Variants in HIVEP3 observed in about 807,000 individuals in gnomAD.
The protein encoded by HIVEP3 is transcription factor HIVEP3.
A neutral mutation model predicts 152.8 loss-of-function variants in HIVEP3; 49 were observed. The ratio of observed to expected loss-of-function variants is 0.32; its 90% CI spans 0.26 to 0.41. HIVEP3 has a LOEUF of 0.41. Among genes scored for constraint, HIVEP3 ranks in the 10% least tolerant of loss-of-function variants. HIVEP3 has a pLI of 1.00. For missense variants in HIVEP3, 2,790 were observed against 3,103.3 expected, an observed-to-expected ratio of 0.90 and a Z score of 2.40; for synonymous variants, 1,269 against 1,289.0, an observed-to-expected ratio of 0.98 and a Z score of 0.33.
At chr1:41,692,303 T>A (rs779674795) in intron 2 of HIVEP3, among the ~76,000 whole-genome samples, 4 of 152,348 alleles carry the variant, frequency 2.6e-5, no homozygotes, top group Admixed American at 1.3e-4. Context: ...TTGGTGATTT[T>A]ACTTTTTCAA....
At chr1:41,615,977 T>C (rs1201912414) in intron 3 of HIVEP3, among the ~76,000 whole-genome samples, 1 of 152,094 alleles carries the variant, frequency 6.6e-6, no homozygotes, top group Non-Finnish European at 1.5e-5. Context: ...GTGTGTTTTC[T>C]CTCTGCTAAG....
intron 1 of HIVEP3, chr1:41,865,521 G>A (rs1231466313): frequency 6.6e-6 from 1 of 152,284 alleles, no homozygotes; most frequent in African/African-American, 2.4e-5. Context: ...CTTGGGTCCT[G>A]GCATTATCGC....
intron 1 of HIVEP3, among the ~76,000 whole-genome samples, chr1:41,996,289 A>G (rs916436338): frequency 3.9e-5 from 6 of 151,908 alleles, no homozygotes; most frequent in Admixed American, 1.3e-4. Flanking sequence ...TGGAAAGGCT[A>G]TAAGGTTAGA....
chr1:41,510,437 C>A lies in HIVEP3; in HGVS notation c.*14G>T. On this transcript the variant is annotated 3_prime_UTR_variant, in exon 9 of 9. Transcript: ENST00000372583. ...GGACACTGGAAGCCAGATGCTGAAG[C>A]AGTTGGAGAGAGGCTAAGCGTTGGG... The A allele has an allele frequency of 6.8e-7, 1 of 1,461,642 alleles. No homozygotes were observed. The highest frequency in any genetic ancestry group is 9.1e-7 in the Non-Finnish European group (1 of 1,104,722). The allele number at this position is 1,461,642 out of a possible 1,614,324, so 90.5% of individuals were successfully genotyped here.
chr1:41,658,009 T>G (rs998728414), intron 2 of HIVEP3, among the ~76,000 whole-genome samples: 1 of 152,110 alleles, frequency 6.6e-6, no homozygotes, highest in Non-Finnish European at 1.5e-5. Context: ...GATCAGACAA[T>G]CAGGGTGGAA....
intron 1 of HIVEP3, among the ~76,000 whole-genome samples, chr1:42,014,321 C>G (rs1645509272): frequency 6.6e-6 from 1 of 151,888 alleles, no homozygotes; most frequent in African/African-American, 2.4e-5. Context: ...CAAAGGCAAG[C>G]AGGGTGAGAG....
At chr1:41,807,205 C>A (rs1033585386) in intron 1 of HIVEP3, among the ~76,000 whole-genome samples, 2 of 152,354 alleles carry the variant, frequency 1.3e-5, no homozygotes, top group South Asian at 4.1e-4. Flanking sequence ...GCAGGGCCGG[C>A]ATGCCCCCTC....
At chr1:41,554,255 A>G (rs1643931684) in intron 5 of HIVEP3, among the ~76,000 whole-genome samples, 2 of 152,110 alleles carry the variant, frequency 1.3e-5, no homozygotes, top group South Asian at 2.1e-4. Context: ...TTGATCTTCA[A>G]TCACTGATAC....
At chr1:41,592,713 G>A (rs1185005912) in intron 3 of HIVEP3, among the ~76,000 whole-genome samples, 2 of 152,206 alleles carry the variant, frequency 1.3e-5, no homozygotes, top group Non-Finnish European at 2.9e-5. Flanking sequence ...CTGACACCAG[G>A]CAACCTGCAA....
intron 2 of HIVEP3, among the ~76,000 whole-genome samples, chr1:41,686,379 CTG>C (rs2124100081): frequency 6.6e-6 from 1 of 152,282 alleles, no homozygotes; most frequent in Non-Finnish European, 1.5e-5. Flanking sequence ...CGGCCATAGA[CTG>C]TATTTTCAAA....
Position 41,589,681 on chromosome 1 carries a change from G to A in HIVEP3, c.-521-4363C>T, listed in dbSNP as rs1402799337. 2.0e-5 allele frequency among the ~76,000 whole-genome samples: 3 copies of A among 152,194 alleles called. No homozygotes were observed. The South Asian group carries it at 6.2e-4, about 31-fold the overall frequency. On this transcript the variant is annotated intron_variant, in intron 3 of 8. Transcript: ENST00000372583. Reference sequence around the variant, plus strand: ...TCTGCCTTGGGCTCTAGACTGAGGAGCTGGGGTCCCCGGTCAAAGTTAGAT... The same window carrying A: ...TCTGCCTTGGGCTCTAGACTGAGGAACTGGGGTCCCCGGTCAAAGTTAGAT...
intron 1 of HIVEP3, among the ~76,000 whole-genome samples, chr1:41,912,854 G>A (rs368992705): frequency 5.3e-5 from 8 of 152,346 alleles, no homozygotes; most frequent in Admixed American, 3.3e-4. Context: ...GGGAATTGGG[G>A]GGAGTTTGAG....
intron 6 of HIVEP3, among the ~76,000 whole-genome samples, chr1:41,519,989 A>G (rs1251194235): frequency 6.6e-6 from 1 of 152,174 alleles, no homozygotes; most frequent in Non-Finnish European, 1.5e-5. Flanking sequence ...CATGCATGAG[A>G]GTACAGACAG....
At chr1:41,712,948 G>T (rs1025448679) in intron 1 of HIVEP3, among the ~76,000 whole-genome samples, 1 of 152,212 alleles carries the variant, frequency 6.6e-6, no homozygotes, top group South Asian at 2.1e-4. Flanking sequence ...GGGCAGGCTT[G>T]TCCTTCCCTC....
intron 1 of HIVEP3, among the ~76,000 whole-genome samples, chr1:42,033,055 G>T (rs569875711): frequency 3.3e-5 from 5 of 152,200 alleles, no homozygotes; most frequent in African/African-American, 1.2e-4. Flanking sequence ...TGGGACAGGT[G>T]CCCGCATGCA....
At chr1:41,519,599 G>T (rs918295990) in intron 6 of HIVEP3, among the ~76,000 whole-genome samples, 1 of 152,210 alleles carries the variant, frequency 6.6e-6, no homozygotes, top group Non-Finnish European at 1.5e-5. Context: ...CCTGAGTCAG[G>T]TGCTCTGTCC....
In HIVEP3 at chr1:41,827,850, T is replaced by C. The variant is rs1050940366; in HGVS notation, c.-801+90563A>G. ...CCACAGGCTTCTTGGGAAAAGGATA[T>C]GGGCAGGGCTTGGGGGGCATGGGGT... is the stretch of plus-strand genomic sequence containing the variant. On this transcript the variant is annotated intron_variant, in intron 1 of 8. Coordinates refer to ENST00000372583, the MANE Select transcript of HIVEP3 (RefSeq NM_024503.5). Among the ~76,000 whole-genome samples the C allele has an allele frequency of 3.3e-5, 5 of 151,916 alleles. No individual in the cohort carries two copies. The South Asian group carries it at 6.3e-4, about 19-fold the overall frequency.
At chr1:41,592,338 C>A (rs1376519036) in intron 3 of HIVEP3, among the ~76,000 whole-genome samples, 1 of 152,204 alleles carries the variant, frequency 6.6e-6, no homozygotes, top group Non-Finnish European at 1.5e-5. Flanking sequence ...TGAAATTGGG[C>A]TGAATGATCT....
chr1:41,996,761 C>G (rs1645398158), intron 1 of HIVEP3, among the ~76,000 whole-genome samples: 1 of 152,178 alleles, frequency 6.6e-6, no homozygotes, highest in African/African-American at 2.4e-5. Context: ...TTTGGGAGGT[C>G]AGAAGTCTCA....
Sources: gnomAD v4.1 joint callset for allele counts (sites outside exome capture counted in the v4.1 genomes callset) on GRCh38, gnomAD v4.1.1 for gene constraint, MANE v1.5 for transcripts, NCBI Gene and HGNC (gene_info 2026-07-23, HGNC 2026-07-21) for gene names.